The following HEATR3 variants were observed in gnomAD, a reference collection of about 807,000 sequenced individuals.
HEATR3 encodes HEAT repeat containing 3.
In HEATR3, 56 loss-of-function variants were observed where a neutral mutation model predicts 72.8. The observed-to-expected ratio is 0.77, with a 90% CI of 0.62 to 0.96. The LOEUF (loss-of-function observed/expected upper bound fraction) is 0.96, where lower values mean the gene tolerates loss of function less well. HEATR3 is among the 40% of genes least tolerant of loss of function. The pLI is 0.00. For missense variants in HEATR3, 747 were observed against 831.4 expected (o/e 0.90, Z 1.25); for synonymous variants, 331 against 318.1 (o/e 1.04, Z -0.43).
At chr16:50,093,442 C>G (rs939426184) in intron 11 of HEATR3, among the ~76,000 whole-genome samples, 1 of 152,210 alleles carries the variant, frequency 6.6e-6, no homozygotes, top group Non-Finnish European at 1.5e-5. Context: ...TCCCCTCCCA[C>G]CTCCCACCTG....
chr16:50,078,917 G>C lies in HEATR3; in HGVS notation c.940G>C (p.Glu314Gln), dbSNP rs1315814226. The C allele has an allele frequency of 6.2e-7, 1 of 1,614,102 alleles. No homozygotes were observed. Among genetic ancestry groups the C allele is most frequent in the South Asian group, 1.1e-5 (1 of 91,082 alleles). ...TGCTGCAGAGGCTGAGGAAATATTA[G>C]AGAACACTAATGGGGATGATTTGAT... Reference protein sequence around the residue: ...KTAAEAEEILENTNGDDLIED... With the variant: ...KTAAEAEEILQNTNGDDLIED... Residue 314 changes from glutamate to glutamine, a missense_variant, in exon 7 of 15, where the codon GAG becomes CAG. By Grantham distance (29) the Glu-to-Gln change is conservative. Transcript: ENST00000299192.
At chr16:50,101,412 G>A (rs969866937) in intron 13 of HEATR3, among the ~76,000 whole-genome samples, 4 of 151,218 alleles carry the variant, frequency 2.6e-5, no homozygotes, top group Admixed American at 6.6e-5. Flanking sequence ...CACTGCACCC[G>A]GCAACAGTTA....
chr16:50,068,291 T>TG (rs1239599307), intron 2 of HEATR3, among the ~76,000 whole-genome samples: 2 of 152,190 alleles, frequency 1.3e-5, no homozygotes, highest in Admixed American at 1.3e-4. Flanking sequence ...TTGCTGCCCT[T>TG]GCAGTTCGCT....
rs536031004 is a variant in HEATR3, at chr16:50,070,175, C to T, written c.400-3C>T. 8.7e-6 allele frequency: 13 copies of T among 1,486,536 alleles called. No individual in the cohort carries two copies. The highest frequency in any genetic ancestry group is 2.8e-5 in the African/African-American group (2 of 72,144). The allele number at this position is 1,486,536 out of a possible 1,614,324, so 92.1% of individuals were successfully genotyped here. A position where few individuals can be genotyped will look rare whatever the true frequency, so the allele number is the denominator to read the frequency against. On this transcript the variant is annotated splice_region_variant and splice_polypyrimidine_tract_variant and intron_variant, in intron 3 of 14. Transcript: ENST00000299192. ...GGGTGCTAATCATGATATTTGGTTA[C>T]AGTGTAGTGCTGGACTGGATTCAAA...
At chr16:50,100,180 GAATTAATTGAGTTT>G (rs758872455) in intron 12 of HEATR3, 36 bp from the exon 13 acceptor site, 2 of 1,565,944 alleles carry the variant, frequency 1.3e-6, no homozygotes, top group South Asian at 2.3e-5. Context: ...CATGCTGATA[GAATTAATTGAGTTT>G]AACATTATAA....
rs560237765 is a variant in HEATR3, at chr16:50,107,087, C to T, written c.*2026C>T. On this transcript the variant is annotated 3_prime_UTR_variant, in exon 15 of 15. Transcript: ENST00000299192. The stretch of plus-strand genomic sequence containing the variant: ...TTCCAAAAAAGAAAGTATTAGAGTT[C>T]TCTCTGCCTCAATTATTTATAAAAT... Among the ~76,000 whole-genome samples, 1 of 152,184 alleles carries T rather than the reference C, an allele frequency of 6.6e-6. No individual in the cohort carries two copies. The highest frequency in any genetic ancestry group is 6.6e-5 in the Admixed American group (1 of 15,262).
chr16:50,069,444 G>A (rs761426181), intron 3 of HEATR3, among the ~76,000 whole-genome samples: 34 of 151,950 alleles, frequency 2.2e-4, no homozygotes, highest in Non-Finnish European at 1.8e-4. Context: ...TTTGATGAGA[G>A]GCATCAGTCA....
At position 50,066,460 on chromosome 16, in the gene HEATR3, C is replaced by T. The variant is rs1567421821; in HGVS notation, c.232C>T (p.Arg78Ter). ...GCCGGCACTCCCGGGCCTGGCGCGA[C>T]GAGACGCCGTGCGCCGCCTCGGGCC... The part of the protein sequence containing the change: ...QRPALPGLAR[R>*]DAVRRLGPLL... Residue 78 changes from arginine to a stop codon, truncating the protein, a stop_gained, in exon 2 of 15, where the codon CGA becomes TGA. Transcript: ENST00000299192. LOFTEE classifies it high-confidence loss of function. 7.3e-7 allele frequency: 1 copy of T among 1,367,658 alleles called. No individual in the cohort carries two copies. The highest frequency in any genetic ancestry group is 9.4e-7 in the Non-Finnish European group (1 of 1,067,932). 84.7% of individuals were successfully genotyped at this position (1,367,658 alleles called of 1,614,324 possible).
At chr16:50,075,180 C>A (rs554279465) in intron 5 of HEATR3, among the ~76,000 whole-genome samples, 54 of 151,876 alleles carry the variant, frequency 3.6e-4, no homozygotes, top group Admixed American at 2.4e-3. Context: ...AGCCAGGCAT[C>A]ATGGCGCATA....
Position 50,078,825 on chromosome 16 carries a change from T to G in HEATR3, c.848T>G (p.Val283Gly), listed in dbSNP as rs2036797998. ...GCCTTACTAAAGATCTTATCTGAAG[T>G]TTTGGGAATGGATGCTGGTGAAATG... is the stretch of plus-strand genomic sequence containing the variant. ...INALLKILSE[V>G]LGMDAGEMVI... Residue 283 changes from valine (V) to glycine (G), a missense_variant, in exon 7 of 15, where the codon GTT becomes GGT. Val to Gly is a moderately radical substitution (Grantham distance 109). Transcript: ENST00000299192. The G allele has an allele frequency of 6.2e-7, 1 of 1,613,910 alleles. No individual in the cohort carries two copies. The highest frequency in any genetic ancestry group is 8.5e-7 in the Non-Finnish European group (1 of 1,180,010).
In HEATR3 at chr16:50,080,770, C is replaced by G. The variant is rs546223399; in HGVS notation, c.1041+1752C>G. On this transcript the variant is annotated intron_variant, in intron 7 of 14. Transcript: ENST00000299192. ...ATAGGCGTGCACCATGGTACCCAAC[C>G]TGTTTCATACCTGTGCATGGAAAGA... Among the ~76,000 whole-genome samples, 8 of 152,306 alleles carry G rather than the reference C, an allele frequency of 5.3e-5. No homozygotes were observed. The East Asian group carries it at 5.8e-4, about 11-fold the overall frequency.
intron 7 of HEATR3, among the ~76,000 whole-genome samples, chr16:50,082,379 C>T (rs957606697): frequency 5.3e-4 from 80 of 152,020 alleles, no homozygotes; most frequent in Admixed American, 4.6e-3. Flanking sequence ...GCCAGATTTT[C>T]GTATATTTTA....
intron 6 of HEATR3, among the ~76,000 whole-genome samples, chr16:50,078,351 A>G (rs1451398221): frequency 1.3e-5 from 2 of 152,180 alleles, no homozygotes; most frequent in African/African-American, 4.8e-5. Flanking sequence ...TATATGTCAG[A>G]CCAACCTTGG....
At chr16:50,083,821 C>T (rs1209417696) in intron 7 of HEATR3, 116 bp from the exon 8 acceptor site, 6 of 783,950 alleles carry the variant, frequency 7.7e-6, no homozygotes, top group Non-Finnish European at 1.2e-5. Context: ...CCCCATTCCC[C>T]GTGTGCTCTA....
rs772269789 is a variant in HEATR3, at chr16:50,070,277, C to G, written c.499C>G (p.Leu167Val). The change falls in exon 4 of 15, where the codon CTG becomes GTG. Residue 167 changes from leucine to valine, a missense_variant. By Grantham distance (32) the Leu-to-Val change is conservative. Coordinates refer to ENST00000299192, the MANE Select transcript of HEATR3 (RefSeq NM_182922.4). Reference protein sequence around the residue: ...ENIANETVNVLWNICECSSRA... With the variant: ...ENIANETVNVVWNICECSSRA... ...CATAGCCAATGAGACTGTGAACGTG[C>G]TGTGGAATATATGGTAAGATGCCTA... 1 of 1,574,306 alleles carries G rather than the reference C, an allele frequency of 6.4e-7. No homozygotes were observed. Among genetic ancestry groups the G allele is most frequent in the Non-Finnish European group, 8.7e-7 (1 of 1,145,686 alleles).
intron 13 of HEATR3, among the ~76,000 whole-genome samples, chr16:50,101,309 T>A (rs532110565): frequency 1.3e-5 from 2 of 152,210 alleles, no homozygotes; most frequent in South Asian, 4.1e-4. Flanking sequence ...AGAGATGGGG[T>A]TTCGCCATGT....
Position 50,072,608 on chromosome 16 carries a change from A to C in HEATR3, c.516A>C (p.Glu172Asp), listed in dbSNP as rs2036636328. 1 of 1,595,990 alleles carries C rather than the reference A, an allele frequency of 6.3e-7. No individual in the cohort carries two copies. ...TTTTTTTCCCCCTTCAATTTAGTGA[A>C]TGCAGTAGTAGAGCAGTGTCTATAT... Reference protein sequence around the residue: ...ETVNVLWNICECSSRAVSIFN... With the variant: ...ETVNVLWNICDCSSRAVSIFN... The change falls in exon 5 of 15, where the codon GAA (glutamate) becomes GAC (aspartate). Residue 172 changes from glutamate to aspartate, a missense_variant. By Grantham distance (45) the Glu-to-Asp change is conservative. This residue lies in a region of HEATR3 where 586 missense variants were observed against 708.8 expected (regional missense o/e 0.83). Transcript: ENST00000299192.
At position 50,102,373 on chromosome 16, in the gene HEATR3, G is replaced by C; in HGVS notation, c.1858G>C (p.Ala620Pro). Residue 620 changes from alanine (A) to proline (P), a missense_variant, in exon 14 of 15, where the codon GCC (alanine) becomes CCC (proline). Ala to Pro is a conservative substitution (Grantham distance 27). Transcript: ENST00000299192. The part of the protein sequence containing the change: ...VFADGKEAER[A>P]SIQIKLLSAL... ...TGCAGATGGTAAAGAAGCCGAAAGA[G>C]CCTCGATTCAAATTAAATTATTATC... 6.2e-7 allele frequency: 1 copy of C among 1,614,146 alleles called. No individual in the cohort carries two copies. The highest frequency in any genetic ancestry group is 8.5e-7 in the Non-Finnish European group (1 of 1,180,004).
Position 50,066,053 on chromosome 16 carries a change from C to G in HEATR3, c.-79C>G, listed in dbSNP as rs904471965. 6.7e-7 allele frequency: 1 copy of G among 1,486,522 alleles called. No individual in the cohort carries two copies. The highest frequency in any genetic ancestry group is 9.0e-7 in the Non-Finnish European group (1 of 1,106,596). The allele number at this position is 1,486,522 out of a possible 1,614,324, so 92.1% of individuals were successfully genotyped here. The stretch of plus-strand genomic sequence containing the variant: ...GCCCAGCTGAGCAGCAGCAACGGAC[C>G]TTGTTAACGGCGCGGCAGCCTCCAC... On this transcript the variant is annotated 5_prime_UTR_variant, in exon 1 of 15. Transcript: ENST00000299192.
Sources: gnomAD v4.1 joint callset for allele counts (sites outside exome capture counted in the v4.1 genomes callset) on GRCh38, gnomAD v4.1.1 for gene constraint, gnomAD v4.1.1 regional missense constraint, MANE v1.5 for transcripts, NCBI Gene and HGNC (gene_info 2026-07-23, HGNC 2026-07-21) for gene names.